Variants in BLTP3A observed in about 807,000 individuals in gnomAD.
The protein encoded by BLTP3A is ICBP90 binding protein 1.
chr6:34,828,461 A>T, the BLTP3A span, among the ~76,000 whole-genome samples: 2 of 151,582 alleles, frequency 1.3e-5, no homozygotes, highest in South Asian at 4.2e-4. Context: ...AAAAAAAAAA[A>T]AAAAAAAGTG....
At chr6:34,801,803 G>A in the BLTP3A span, among the ~76,000 whole-genome samples, 66,613 of 151,946 alleles carry the variant, frequency 0.44, 16,396 homozygotes, top group African/African-American at 0.67. Flanking sequence ...CTCACTGCAA[G>A]CTCTGGCTCA....
chr6:34,841,960 C>G, the BLTP3A span, among the ~76,000 whole-genome samples: 1 of 152,268 alleles, frequency 6.6e-6, no homozygotes, highest in South Asian at 2.1e-4. Flanking sequence ...TAAGGGCAGG[C>G]TATTCTCTTC....
chr6:34,863,973 T>C, the BLTP3A span: 2 of 1,558,424 alleles, frequency 1.3e-6, no homozygotes, highest in Non-Finnish European at 1.7e-6. Context: ...AAAGCCACAT[T>C]TGTGGTTTTT....
the BLTP3A span, among the ~76,000 whole-genome samples, chr6:34,844,765 A>T: frequency 6.6e-6 from 1 of 152,120 alleles, no homozygotes; most frequent in East Asian, 1.9e-4. Context: ...CCCTTGCCAG[A>T]TGAATAGTTT....
the BLTP3A span, chr6:34,834,508 T>A: frequency 6.7e-7 from 1 of 1,496,828 alleles, no homozygotes; most frequent in African/African-American, 1.4e-5. Context: ...CCTCAAATGT[T>A]CCCCATTCCT....
the BLTP3A span, among the ~76,000 whole-genome samples, chr6:34,842,393 C>T: frequency 1.3e-5 from 2 of 152,062 alleles, no homozygotes; most frequent in African/African-American, 4.8e-5. Flanking sequence ...TTTTTGTTTC[C>T]CTTAAAAGAA....
chr6:34,862,367 C>G, the BLTP3A span, among the ~76,000 whole-genome samples: 2 of 150,840 alleles, frequency 1.3e-5, no homozygotes, highest in African/African-American at 2.4e-5. Flanking sequence ...TAGAGCGAGA[C>G]TCCGTCTCAA....
the BLTP3A span, among the ~76,000 whole-genome samples, chr6:34,849,144 A>T: frequency 6.6e-6 from 1 of 151,960 alleles, no homozygotes; most frequent in Non-Finnish European, 1.5e-5. Context: ...GATTACAGGC[A>T]TGCACCACTG....
chr6:34,814,935 A>G, the BLTP3A span, among the ~76,000 whole-genome samples: 13 of 152,286 alleles, frequency 8.5e-5, no homozygotes, highest in East Asian at 2.5e-3. Context: ...TTTTGGGGGA[A>G]CTTATAATAT....
chr6:34,834,390 A>T, the BLTP3A span: 2 of 1,613,150 alleles, frequency 1.2e-6, no homozygotes, highest in Non-Finnish European at 8.5e-7. Context: ...CGCATCACTG[A>T]CCCCTGCCGA....
chr6:34,836,403 G>A, the BLTP3A span: 1 of 1,531,740 alleles, frequency 6.5e-7, no homozygotes, highest in African/African-American at 1.4e-5. Flanking sequence ...GTCTAGCTCT[G>A]GGCAGAGCCT....
At chr6:34,822,043 C>T in the BLTP3A span, 7 of 1,521,546 alleles carry the variant, frequency 4.6e-6, no homozygotes, top group African/African-American at 9.6e-5. Flanking sequence ...TAGGCTAACC[C>T]TTTTAGGAAT....
the BLTP3A span, among the ~76,000 whole-genome samples, chr6:34,824,581 A>G: frequency 6.6e-6 from 1 of 151,454 alleles, no homozygotes; most frequent in Non-Finnish European, 1.5e-5. Context: ...AAACCCAAGA[A>G]TTCCTTAATA....
the BLTP3A span, chr6:34,875,853 A>G: frequency 6.6e-6 from 1 of 152,604 alleles, no homozygotes; most frequent in Non-Finnish European, 1.5e-5. Flanking sequence ...ATGCAAGGAA[A>G]AAGTAGCAGT....
At chr6:34,829,869 A>G in the BLTP3A span, among the ~76,000 whole-genome samples, 2 of 151,988 alleles carry the variant, frequency 1.3e-5, no homozygotes, top group Non-Finnish European at 2.9e-5. Flanking sequence ...CAGTGGCGCA[A>G]TCTCGGCTCA....
chr6:34,871,667 T>G, the BLTP3A span: 1 of 1,613,772 alleles, frequency 6.2e-7, no homozygotes, highest in Non-Finnish European at 8.5e-7. Context: ...TGAAGAGGAG[T>G]GATGATGGTG....
chr6:34,802,988 C>T, the BLTP3A span, among the ~76,000 whole-genome samples: 1 of 151,838 alleles, frequency 6.6e-6, no homozygotes, highest in Non-Finnish European at 1.5e-5. Context: ...CCACCCTGGG[C>T]AACATGGTGA....
At chr6:34,817,266 A>T in the BLTP3A span, among the ~76,000 whole-genome samples, 1 of 152,230 alleles carries the variant, frequency 6.6e-6, no homozygotes, top group Non-Finnish European at 1.5e-5. Context: ...CGGAAGAGAA[A>T]TAATCACCTT....
the BLTP3A span, chr6:34,855,665 G>A: frequency 5.0e-6 from 8 of 1,613,620 alleles, no homozygotes; most frequent in South Asian, 1.1e-5. Context: ...CTTACCTTCC[G>A]CAAGATGGCG....
Sources: allele counts gnomAD v4.1 joint callset (sites outside exome capture counted in the v4.1 genomes callset), GRCh38; gene constraint gnomAD v4.1.1; transcripts MANE v1.5; gene names NCBI Gene and HGNC (gene_info 2026-07-23, HGNC 2026-07-21).